NIPAL1: variants seen among roughly 807,000 people sequenced by gnomAD.
NIPAL1 encodes NIPA like domain containing 1, also known as magnesium transporter NIPA3.
NIPAL1 carries 35 observed loss-of-function variants against 37.7 expected under a neutral mutation model. The ratio of observed to expected loss-of-function variants is 0.93; its 90% CI spans 0.71 to 1.23. The LOEUF (loss-of-function observed/expected upper bound fraction) is 1.23. NIPAL1 is among the 50% of genes most tolerant of loss of function. The pLI is 0.00. For synonymous variants in NIPAL1, 162 were observed against 183.0 expected, an observed-to-expected ratio of 0.89 and a Z score of 0.93; for missense variants, 412 against 473.9, an observed-to-expected ratio of 0.87 and a Z score of 1.21.
intron 1 of NIPAL1, among the ~76,000 whole-genome samples, chr4:48,019,010 C>T: frequency 6.6e-6 from 1 of 152,110 alleles, no homozygotes; most frequent in Non-Finnish European, 1.5e-5. Flanking sequence ...TAATTTCATA[C>T]TTTGGTTTTG....
chr4:48,020,389 C>T (rs181169575), intron 1 of NIPAL1, among the ~76,000 whole-genome samples: 16 of 152,278 alleles, frequency 1.1e-4, no homozygotes, highest in African/African-American at 3.4e-4. Flanking sequence ...TAAATTGTAA[C>T]AGATATAAAG....
chr4:48,039,582 CATT>C lies in NIPAL1; in HGVS notation c.*3413_*3415del, dbSNP rs1389907041. ...TTCCTACTTCTGTAAAGATAAGTTT[CATT>C]ATACTTTTGTCTTACAATTTTATTC... On this transcript the variant is annotated 3_prime_UTR_variant, in exon 6 of 6. Coordinates refer to ENST00000295461, the MANE Select transcript of NIPAL1 (RefSeq NM_207330.3). 3 of 152,164 alleles carry C rather than the reference CATT, an allele frequency of 2.0e-5. No individual in the cohort carries two copies. The highest frequency in any genetic ancestry group is 2.0e-4 in the Admixed American group (3 of 15,280). 9.4% of individuals were successfully genotyped at this position (152,164 alleles called of 1,614,324 possible).
chr4:48,035,158 G>C (rs1715898854), intron 5 of NIPAL1, 117 bp downstream of exon 5: 1 of 814,416 alleles, frequency 1.2e-6, no homozygotes, highest in East Asian at 2.6e-5. Flanking sequence ...ATTGTGGGTT[G>C]TGAGACACAG....
intron 1 of NIPAL1, among the ~76,000 whole-genome samples, chr4:48,023,139 G>A (rs1455607077): frequency 6.6e-6 from 1 of 151,326 alleles, no homozygotes; most frequent in African/African-American, 2.4e-5. Context: ...TGAACTCCGG[G>A]GCTCAAGCAA....
chr4:48,035,356 A>C (rs1715903856), intron 5 of NIPAL1, among the ~76,000 whole-genome samples: 2 of 152,216 alleles, frequency 1.3e-5, no homozygotes, highest in Admixed American at 1.3e-4. Flanking sequence ...GCCCTAGCTC[A>C]TAGTGGTATT....
intron 1 of NIPAL1, among the ~76,000 whole-genome samples, chr4:48,018,790 G>C (rs1715510122): frequency 6.6e-6 from 1 of 152,182 alleles, no homozygotes; most frequent in Admixed American, 6.5e-5. Context: ...GCACCTTACT[G>C]TTCAGATGGC....
chr4:48,025,914 A>G (rs79161670), intron 2 of NIPAL1, among the ~76,000 whole-genome samples: 2,354 of 151,904 alleles, frequency 0.015, 58 homozygotes, highest in African/African-American at 0.053. Context: ...GTCTCTTCCC[A>G]TTGCGTGGAA....
chr4:48,024,213 A>T (rs1288272473), intron 1 of NIPAL1, among the ~76,000 whole-genome samples: 2 of 152,140 alleles, frequency 1.3e-5, no homozygotes, highest in Non-Finnish European at 2.9e-5. Flanking sequence ...TCCTGATCTC[A>T]AGTGATCCAC....
At chr4:48,017,403 G>A (rs1715450879) in intron 1 of NIPAL1, among the ~76,000 whole-genome samples, 1 of 152,228 alleles carries the variant, frequency 6.6e-6, no homozygotes, top group African/African-American at 2.4e-5. Context: ...TGGGCGTTGG[G>A]CAAGTCTGGG....
Position 48,040,067 on chromosome 4 carries a change from C to G in NIPAL1, c.*3895C>G, listed in dbSNP as rs1716045078. 1 of 152,092 alleles carries G rather than the reference C, an allele frequency of 6.6e-6. No homozygotes were observed. The highest frequency in any genetic ancestry group is 2.4e-5 in the African/African-American group (1 of 41,416). The allele number at this position is 152,092 out of a possible 1,614,324, so 9.4% of individuals were successfully genotyped here. ...TCTCAAATATTTTGAATAAACTGTT[C>G]ATGAAGCCTTATATTTTGCAAGTGT... On this transcript the variant is annotated 3_prime_UTR_variant, in exon 6 of 6. Coordinates refer to ENST00000295461, the MANE Select transcript of NIPAL1 (RefSeq NM_207330.3).
intron 2 of NIPAL1, 60 bp from the exon 3 acceptor site, chr4:48,030,060 T>C: frequency 1.0e-6 from 1 of 1,001,560 alleles, no homozygotes; most frequent in Non-Finnish European, 1.6e-6. Flanking sequence ...AAGTTAATTC[T>C]TCAAACCTTC....
intron 1 of NIPAL1, among the ~76,000 whole-genome samples, chr4:48,017,959 CTTT>C (rs775019325): frequency 1.3e-5 from 2 of 151,810 alleles, no homozygotes; most frequent in Admixed American, 1.3e-4. Flanking sequence ...CAGCTTATTC[CTTT>C]TTAACAAGTG....
intron 1 of NIPAL1, among the ~76,000 whole-genome samples, chr4:48,020,894 C>G (rs573994499): frequency 6.6e-6 from 1 of 152,080 alleles, no homozygotes; most frequent in Non-Finnish European, 1.5e-5. Flanking sequence ...CAATTATTGA[C>G]TTTCTTAAAA....
intron 4 of NIPAL1, among the ~76,000 whole-genome samples, chr4:48,033,421 T>C (rs887088606): frequency 3.3e-5 from 5 of 152,250 alleles, no homozygotes; most frequent in African/African-American, 1.2e-4. Flanking sequence ...GTGAGTTTGA[T>C]TTCCTACTAA....
intron 2 of NIPAL1, 87 bp downstream of exon 2, chr4:48,025,421 G>C: frequency 7.7e-7 from 1 of 1,300,874 alleles, no homozygotes; most frequent in Non-Finnish European, 1.1e-6. Flanking sequence ...TTATAAACTT[G>C]CTTGTGTAAT....
At position 48,016,798 on chromosome 4, in the gene NIPAL1, G is replaced by C. The variant is rs553745742; in HGVS notation, c.-42G>C. On this transcript the variant is annotated 5_prime_UTR_variant, in exon 1 of 6. Transcript: ENST00000295461. ...CGGGTGCGTGTGGAGAGGCCCAGGT[G>C]AGGAGCAAGCGCCCGCGTTCCGGAA... The C allele has an allele frequency of 1.9e-6, 3 of 1,543,590 alleles. No homozygotes were observed. The highest frequency in any genetic ancestry group is 1.4e-5 in the African/African-American group (1 of 73,292).
chr4:48,022,644 G>A (rs1050053937), intron 1 of NIPAL1, among the ~76,000 whole-genome samples: 3 of 152,172 alleles, frequency 2.0e-5, no homozygotes, highest in African/African-American at 7.2e-5. Flanking sequence ...GGTAAGTCAG[G>A]TCCGATGTTT....
chr4:48,019,379 A>G (rs1715521338), intron 1 of NIPAL1, among the ~76,000 whole-genome samples: 1 of 152,276 alleles, frequency 6.6e-6, no homozygotes, highest in Non-Finnish European at 1.5e-5. Context: ...TATCTTTAAA[A>G]GAAACAAATG....
At position 48,036,338 on chromosome 4, in the gene NIPAL1, A is replaced by G; in HGVS notation, c.*166A>G. On this transcript the variant is annotated 3_prime_UTR_variant, in exon 6 of 6. Transcript: ENST00000295461. ...ATTTTTTTGGCCATTGAATTTGAAA[A>G]TCAAATTGATTATCCTCCAGAATCT... The G allele has an allele frequency of 1.7e-6, 1 of 589,178 alleles. No homozygotes were observed. The highest frequency in any genetic ancestry group is 2.9e-6 in the Non-Finnish European group (1 of 345,466). 36.5% of individuals were successfully genotyped at this position (589,178 alleles called of 1,614,324 possible). A position where few individuals can be genotyped will look rare whatever the true frequency, so the allele number is the denominator to read the frequency against.
Sources: allele counts gnomAD v4.1 joint callset (sites outside exome capture counted in the v4.1 genomes callset), GRCh38; gene constraint gnomAD v4.1.1; transcripts MANE v1.5; gene names NCBI Gene and HGNC (gene_info 2026-07-23, HGNC 2026-07-21).